Variants in PSD2 observed in about 807,000 individuals in gnomAD.
PSD2 encodes the protein PH and SEC7 domain-containing protein 2.
In PSD2, 38 loss-of-function variants were observed where a neutral mutation model predicts 69.8. That is an observed-to-expected ratio of 0.54 (90% CI 0.42 to 0.71). The LOEUF is 0.71. PSD2 is among the 30% of genes least tolerant of loss of function. The pLI is 0.00. For missense variants in PSD2, 943 were observed against 1,014.5 expected (o/e 0.93, Z 0.96); for synonymous variants, 412 against 423.0 (o/e 0.97, Z 0.32).
rs758685491 is a variant in PSD2, at chr5:139,809,762, G to C, written c.322G>C (p.Asp108His). 1.2e-6 allele frequency: 2 copies of C among 1,614,108 alleles called. No individual in the cohort carries two copies. The highest frequency in any genetic ancestry group is 3.3e-5 in the Admixed American group (2 of 60,012). The part of the protein sequence containing the change: ...PWRAGVLAEG[D>H]NASRSLYPDA... Reference sequence around the variant, plus strand: ...GAGGGCTGGCGTGCTGGCAGAGGGGGACAATGCTTCCAGGAGCCTCTACCC... The same window carrying C: ...GAGGGCTGGCGTGCTGGCAGAGGGGCACAATGCTTCCAGGAGCCTCTACCC... Residue 108 changes from aspartate (D) to histidine (H), a missense_variant, in exon 2 of 15, where the codon GAC becomes CAC. Around this residue, in one of 3 missense-constraint regions of PSD2, gnomAD observed 466 missense variants for 445.0 expected, o/e 1.05. Transcript: ENST00000274710.
At chr5:139,785,234 CT>C in the PSD2 span, among the ~76,000 whole-genome samples, 31,815 of 141,584 alleles carry the variant, frequency 0.22, 4,038 homozygotes, top group African/African-American at 0.36. Flanking sequence ...CCCTTCCTTC[CT>C]TTTTTTTTTT....
chr5:139,830,823 C>CTTTTTTTTTTT (rs60786662), intron 7 of PSD2, among the ~76,000 whole-genome samples: 6 of 82,940 alleles, frequency 7.2e-5, no homozygotes, highest in Admixed American at 1.4e-4. Context: ...CCTGGACTTG[C>CTTTTTTTTTTT]TTTTTTTTTT....
intron 7 of PSD2, among the ~76,000 whole-genome samples, chr5:139,830,594 T>TCTTTCTTTCTTTC (rs1760561943): frequency 1.7e-5 from 2 of 114,480 alleles, no homozygotes; most frequent in African/African-American, 8.4e-5. Flanking sequence ...TTCTTTCTTT[T>TCTTTCTTTCTTTC]TCTTTCTTTC....
chr5:139,830,525 C>CCTTT lies in PSD2; in HGVS notation c.1270-3174_1270-3173insTCTT, dbSNP rs779943317. Among the ~76,000 whole-genome samples, 9 of 99,286 alleles carry CCTTT rather than the reference C, an allele frequency of 9.1e-5. No individual in the cohort carries two copies. The South Asian group carries it at 1.0e-3, about 11-fold the overall frequency. 65.1% of individuals were successfully genotyped at this position (99,286 alleles called of 152,430 possible). Reference sequence around the variant, plus strand: ...GCCATCATGCCCAGCTAATTTTCTTCCTTCCTTCCTTCCTTCCTTCCTTCC... The same window carrying CCTTT: ...GCCATCATGCCCAGCTAATTTTCTTCCTTTCTTCCTTCCTTCCTTCCTTCCTTCC... On this transcript the variant is annotated intron_variant, in intron 7 of 14. Coordinates refer to ENST00000274710, the MANE Select transcript of PSD2 (RefSeq NM_032289.4).
At chr5:139,805,261 A>G (rs1028029597) in intron 1 of PSD2, among the ~76,000 whole-genome samples, 2 of 152,198 alleles carry the variant, frequency 1.3e-5, no homozygotes, top group African/African-American at 2.4e-5. Context: ...GGATCCCACC[A>G]TAAAAGGGAC....
chr5:139,761,461 G>C, the PSD2 span, among the ~76,000 whole-genome samples: 1 of 152,166 alleles, frequency 6.6e-6, no homozygotes. Flanking sequence ...TGTAAAAGGG[G>C]CTTCGCACAG....
the PSD2 span, chr5:139,775,350 T>TG: frequency 7.3e-5 from 11 of 150,880 alleles, no homozygotes; most frequent in Admixed American, 7.2e-4. Context: ...CGAGGCCGAG[T>TG]GGGGAGCTTG....
the PSD2 span, among the ~76,000 whole-genome samples, chr5:139,753,139 A>G: frequency 2.0e-5 from 3 of 152,104 alleles, no homozygotes; most frequent in African/African-American, 7.2e-5. Context: ...TGGGAGACCA[A>G]TCTAACTAAC....
At chr5:139,829,299 G>A (rs1265049920) in intron 7 of PSD2, among the ~76,000 whole-genome samples, 1 of 152,190 alleles carries the variant, frequency 6.6e-6, no homozygotes, top group Non-Finnish European at 1.5e-5. Flanking sequence ...GTGCCTATAT[G>A]TGTTGTAAAA....
the PSD2 span, among the ~76,000 whole-genome samples, chr5:139,781,534 A>C: frequency 6.6e-6 from 1 of 151,708 alleles, no homozygotes; most frequent in Non-Finnish European, 1.5e-5. Context: ...ATGGGGTTTC[A>C]CTGTGTTAGC....
In PSD2 at chr5:139,815,236, A is replaced by G. The variant is rs537809930; in HGVS notation, c.1016+872A>G. On this transcript the variant is annotated intron_variant, in intron 4 of 14. Coordinates refer to ENST00000274710, the MANE Select transcript of PSD2 (RefSeq NM_032289.4). ...TCCTCAGTCTCCACGCTGCTCCTGCACCAGGTCCCCAACAACTGCGCCAGC... is the reference window on the plus strand; with the variant it reads ...TCCTCAGTCTCCACGCTGCTCCTGCGCCAGGTCCCCAACAACTGCGCCAGC... Among the ~76,000 whole-genome samples, 4 of 151,980 alleles carry G rather than the reference A, an allele frequency of 2.6e-5. No individual in the cohort carries two copies. In the East Asian group the frequency reaches 7.7e-4, roughly 29 times the overall value.
At chr5:139,774,635 A>G in the PSD2 span, among the ~76,000 whole-genome samples, 1 of 152,018 alleles carries the variant, frequency 6.6e-6, no homozygotes, top group African/African-American at 2.4e-5. Context: ...GGATTACAGG[A>G]GCCCACCACC....
At chr5:139,774,458 T>C in the PSD2 span, among the ~76,000 whole-genome samples, 1 of 152,216 alleles carries the variant, frequency 6.6e-6, no homozygotes, top group South Asian at 2.1e-4. Flanking sequence ...GGCTGGCCGA[T>C]GCAGGGCTGT....
Position 139,814,478 on chromosome 5 carries a change from A to G in PSD2, c.1016+114A>G. 1.1e-6 allele frequency: 1 copy of G among 922,216 alleles called. No homozygotes were observed. The highest frequency in any genetic ancestry group is 1.6e-6 in the Non-Finnish European group (1 of 643,128). 57.1% of individuals were successfully genotyped at this position (922,216 alleles called of 1,614,324 possible). A position where few individuals can be genotyped will look rare whatever the true frequency, so the allele number is the denominator to read the frequency against. ...GCCAGGTGCTGGGGGGGCACTCCCA[A>G]CAGTTCCCCAAGGACACCTCCTCCC... On this transcript the variant is annotated intron_variant, in intron 4 of 14. Transcript: ENST00000274710. This position sits in a 1 kb window ranked among gnomAD's most constrained non-coding sequence, Gnocchi z 4.4.
chr5:139,816,244 A>G (rs1760120705), intron 4 of PSD2, among the ~76,000 whole-genome samples: 1 of 152,132 alleles, frequency 6.6e-6, no homozygotes, highest in African/African-American at 2.4e-5. Flanking sequence ...TTACATAATC[A>G]TGATTCTATT....
chr5:139,800,302 T>C (rs1193989796), intron 1 of PSD2, among the ~76,000 whole-genome samples: 1 of 152,272 alleles, frequency 6.6e-6, no homozygotes, highest in Non-Finnish European at 1.5e-5. Flanking sequence ...CCCTGACTGT[T>C]CTCACTTTCA....
intron 1 of PSD2, among the ~76,000 whole-genome samples, chr5:139,807,481 G>C (rs139413398): frequency 5.3e-5 from 8 of 151,954 alleles, no homozygotes; most frequent in Admixed American, 2.0e-4. Flanking sequence ...AGACCAGAAA[G>C]AATTCCTCAC....
intron 1 of PSD2, among the ~76,000 whole-genome samples, chr5:139,807,359 C>T (rs976600812): frequency 1.3e-5 from 2 of 151,300 alleles, no homozygotes; most frequent in Non-Finnish European, 1.5e-5. Flanking sequence ...TGCCCCCCCT[C>T]CCCCCGCTCA....
the PSD2 span, among the ~76,000 whole-genome samples, chr5:139,752,148 C>T: frequency 1.3e-5 from 2 of 152,076 alleles, no homozygotes; most frequent in African/African-American, 2.4e-5. Context: ...ATCCTCGACA[C>T]TGCCAAGCCC....
Sources: allele counts gnomAD v4.1 joint callset (sites outside exome capture counted in the v4.1 genomes callset), GRCh38; gene constraint gnomAD v4.1.1; regional missense constraint gnomAD v4.1.1; non-coding constraint Gnocchi (gnomAD v3.1); transcripts MANE v1.5; gene names NCBI Gene and HGNC (gene_info 2026-07-23, HGNC 2026-07-21).